The following CPAP variants were observed in gnomAD, a reference collection of about 807,000 sequenced individuals.
CPAP encodes the protein centrosomal P4.1-associated protein.
the CPAP span, among the ~76,000 whole-genome samples, chr13:24,913,878 G>A: frequency 6.6e-6 from 1 of 152,210 alleles, no homozygotes; most frequent in Non-Finnish European, 1.5e-5. Context: ...ACTTTGCACT[G>A]TGTGATAGAT....
chr13:24,903,344 AC>A, the CPAP span, among the ~76,000 whole-genome samples: 1 of 152,214 alleles, frequency 6.6e-6, no homozygotes. Context: ...AACCAATATG[AC>A]CCTATCCTTA....
At chr13:24,890,834 G>A in the CPAP span, among the ~76,000 whole-genome samples, 6 of 151,934 alleles carry the variant, frequency 3.9e-5, no homozygotes, top group South Asian at 2.1e-4. Context: ...CCCTCCATTC[G>A]CTGCCTGGAC....
the CPAP span, among the ~76,000 whole-genome samples, chr13:24,893,520 G>C: frequency 3.3e-5 from 5 of 152,206 alleles, no homozygotes; most frequent in African/African-American, 1.2e-4. Flanking sequence ...AGTAATCCCT[G>C]CGGCAGCCAC....
chr13:24,905,237 A>G, the CPAP span: 1 of 1,046,184 alleles, frequency 9.6e-7, no homozygotes, highest in Non-Finnish European at 1.5e-6. Flanking sequence ...AATTTGACTT[A>G]ATTCTATTGA....
chr13:24,884,443 A>G, the CPAP span: 1 of 1,614,152 alleles, frequency 6.2e-7, no homozygotes, highest in Non-Finnish European at 8.5e-7. Context: ...CACGGCACCC[A>G]TTCTTATAAA....
chr13:24,892,534 C>T, the CPAP span: 5 of 848,186 alleles, frequency 5.9e-6, no homozygotes, highest in Admixed American at 1.8e-5. Context: ...TCCCCACTGC[C>T]CCCCCAGCCC....
chr13:24,916,091 T>C, the CPAP span, among the ~76,000 whole-genome samples: 7 of 152,216 alleles, frequency 4.6e-5, no homozygotes, highest in South Asian at 1.0e-3. Context: ...AGTTCTGTTA[T>C]AAAGGGAAGG....
chr13:24,885,686 T>C, the CPAP span: 31 of 1,590,988 alleles, frequency 1.9e-5, no homozygotes, highest in Non-Finnish European at 2.6e-5. Context: ...AGAATAAAAT[T>C]GTCAAGAGTT....
At chr13:24,923,850 A>T in the CPAP span, among the ~76,000 whole-genome samples, 10 of 151,646 alleles carry the variant, frequency 6.6e-5, no homozygotes, top group Non-Finnish European at 1.0e-4. Flanking sequence ...ATTTTTTGAG[A>T]TGGAGTCTCG....
chr13:24,912,122 A>G, the CPAP span: 5 of 1,538,068 alleles, frequency 3.3e-6, no homozygotes, highest in Non-Finnish European at 2.7e-6. Flanking sequence ...TTCTTCATGG[A>G]CACCTCGTTC....
At chr13:24,924,964 A>C in the CPAP span, 1 of 152,192 alleles carries the variant, frequency 6.6e-6, no homozygotes, top group African/African-American at 2.4e-5. Context: ...AAAAAGTAGC[A>C]AAAAACCTCC....
the CPAP span, among the ~76,000 whole-genome samples, chr13:24,921,187 G>C: frequency 6.6e-6 from 1 of 152,166 alleles, no homozygotes; most frequent in South Asian, 2.1e-4. Context: ...AGACCAATTT[G>C]ATCTATAGAT....
At chr13:24,925,583 G>C in the CPAP span, among the ~76,000 whole-genome samples, 1 of 152,206 alleles carries the variant, frequency 6.6e-6, no homozygotes, top group Non-Finnish European at 1.5e-5. Context: ...CAGGGCAACA[G>C]AGTGAAACCG....
chr13:24,882,964 TA>T, the CPAP span: 1 of 566,534 alleles, frequency 1.8e-6, no homozygotes, highest in Non-Finnish European at 3.1e-6. Flanking sequence ...ATGCTTTCCT[TA>T]GTCTATTGAA....
chr13:24,905,575 C>T, the CPAP span: 5 of 1,614,194 alleles, frequency 3.1e-6, no homozygotes, highest in Admixed American at 1.7e-5. Flanking sequence ...ATGTCTGCGG[C>T]GTCCCATAAG....
chr13:24,892,541 GC>G, the CPAP span: 1 of 898,476 alleles, frequency 1.1e-6, no homozygotes. Context: ...TGCCCCCCCA[GC>G]CCCTGGCAGC....
At chr13:24,921,345 C>T in the CPAP span, among the ~76,000 whole-genome samples, 2 of 135,160 alleles carry the variant, frequency 1.5e-5, no homozygotes, top group Non-Finnish European at 3.3e-5. Flanking sequence ...TTTATAAAAC[C>T]TCCAGCTTTC....
At chr13:24,896,712 G>GA in the CPAP span, among the ~76,000 whole-genome samples, 1 of 152,020 alleles carries the variant, frequency 6.6e-6, no homozygotes, top group Admixed American at 6.5e-5. Context: ...GAAAGAGAAG[G>GA]AAAAAAAGCA....
chr13:24,928,286 A>G, the CPAP span, among the ~76,000 whole-genome samples: 28 of 152,286 alleles, frequency 1.8e-4, no homozygotes, highest in African/African-American at 6.7e-4. Context: ...TCCGGGCTAG[A>G]AAGGGGAACT....
Sources: gnomAD v4.1 joint callset for allele counts (sites outside exome capture counted in the v4.1 genomes callset) on GRCh38, gnomAD v4.1.1 for gene constraint, MANE v1.5 for transcripts, NCBI Gene and HGNC (gene_info 2026-07-23, HGNC 2026-07-21) for gene names.